The following KITLG variants were observed in gnomAD, a reference collection of about 807,000 sequenced individuals.
KITLG encodes the protein KIT ligand, also known as c-Kit ligand.
KITLG carries 13 observed loss-of-function variants against 34.1 expected under a neutral mutation model. The observed-to-expected ratio is 0.38, with a 90% CI of 0.25 to 0.61. The LOEUF (loss-of-function observed/expected upper bound fraction) is 0.61, where lower values mean the gene tolerates loss of function less well. Among genes scored for constraint, KITLG ranks in the 20% least tolerant of loss-of-function variants. The pLI, the probability that KITLG is intolerant of heterozygous loss-of-function variation, is 0.60. For synonymous variants in KITLG, 110 were observed against 104.0 expected, an observed-to-expected ratio of 1.06 and a Z score of -0.35; for missense variants, 292 against 318.9, an observed-to-expected ratio of 0.92 and a Z score of 0.64.
At chr12:88,577,731 T>C (rs2120997907) in intron 1 of KITLG, among the ~76,000 whole-genome samples, 1 of 152,328 alleles carries the variant, frequency 6.6e-6, no homozygotes, top group East Asian at 1.9e-4. Context: ...TACTGAAGTG[T>C]ACCAACATGC....
rs1415984314 is a variant in KITLG at position 88,561,051 on chromosome 12, G to A, written c.16-15186C>T. Among the ~76,000 whole-genome samples, 4 of 151,786 alleles carry A rather than the reference G, an allele frequency of 2.6e-5. No individual in the cohort carries two copies. The South Asian group carries it at 8.3e-4, about 32-fold the overall frequency. On this transcript the variant is annotated intron_variant, in intron 1 of 9. Transcript: ENST00000644744. ...TGCACAGAGAAGTGGTATAGAGGAG[G>A]GGGTTGGAAAACATCAACCTTAGAA...
intron 2 of KITLG, among the ~76,000 whole-genome samples, chr12:88,538,115 T>C (rs747191819): frequency 2.6e-5 from 4 of 152,040 alleles, no homozygotes; most frequent in Non-Finnish European, 5.9e-5. Flanking sequence ...TGTGAATGAG[T>C]ATGAATTTCT....
At chr12:88,559,170 C>T (rs1039549765) in intron 1 of KITLG, among the ~76,000 whole-genome samples, 6 of 152,152 alleles carry the variant, frequency 3.9e-5, no homozygotes, top group African/African-American at 1.4e-4. Flanking sequence ...CTAGCATATC[C>T]CTCTAAACTA....
At chr12:88,505,424 T>C (rs983223642) in intron 8 of KITLG, among the ~76,000 whole-genome samples, 189 bp from the exon 9 acceptor site, 2 of 152,188 alleles carry the variant, frequency 1.3e-5, no homozygotes, top group Non-Finnish European at 2.9e-5. Flanking sequence ...AAGGTAGTCT[T>C]TCCAAGTAGT....
chr12:88,544,435 G>T (rs1870634610), intron 2 of KITLG, among the ~76,000 whole-genome samples: 1 of 151,210 alleles, frequency 6.6e-6, no homozygotes, highest in Non-Finnish European at 1.5e-5. Context: ...TGTCCTTTTA[G>T]TATTGTTTCT....
intron 7 of KITLG, 73 bp from the exon 8 acceptor site, chr12:88,506,451 C>T (rs1181112224): frequency 1.3e-5 from 13 of 1,028,070 alleles, no homozygotes; most frequent in Non-Finnish European, 2.0e-5. Flanking sequence ...TAAGTGGACT[C>T]CACTTTTATC....
chr12:88,553,658 C>T (rs1164874859), intron 1 of KITLG, among the ~76,000 whole-genome samples: 2 of 152,118 alleles, frequency 1.3e-5, no homozygotes, highest in South Asian at 2.1e-4. Flanking sequence ...TTTATTCCCC[C>T]ACAACACACA....
At chr12:88,567,152 T>C (rs1420621655) in intron 1 of KITLG, among the ~76,000 whole-genome samples, 1 of 152,178 alleles carries the variant, frequency 6.6e-6, no homozygotes, top group Non-Finnish European at 1.5e-5. Context: ...TATATATTTG[T>C]TTTTCTTTTT....
chr12:88,578,639 C>T (rs138146468), intron 1 of KITLG, among the ~76,000 whole-genome samples: 581 of 152,306 alleles, frequency 3.8e-3, no homozygotes, highest in Middle Eastern at 0.01. Flanking sequence ...TACTGCCTCT[C>T]AAAGTGACTT....
chr12:88,574,369 T>G (rs908048834), intron 1 of KITLG, among the ~76,000 whole-genome samples: 8 of 151,266 alleles, frequency 5.3e-5, no homozygotes, highest in African/African-American at 1.9e-4. Flanking sequence ...GGAAAGGAGG[T>G]AAGCAAGCAC....
At chr12:88,554,366 C>T (rs777311937) in intron 1 of KITLG, among the ~76,000 whole-genome samples, 1 of 152,140 alleles carries the variant, frequency 6.6e-6, no homozygotes, top group Non-Finnish European at 1.5e-5. Flanking sequence ...GTCACAAAGT[C>T]AAAAAGAGAG....
At position 88,506,910 on chromosome 12, in the gene KITLG, T is replaced by C. The variant is rs982221383; in HGVS notation, c.714+118A>G. On this transcript the variant is annotated intron_variant, in intron 7 of 9. Transcript: ENST00000644744. Reference sequence around the variant, plus strand: ...AACTTTATAAAATTTAAATTTTGTTTAGATTATAAGCTAAGGTAGAATTCA... The same window carrying C: ...AACTTTATAAAATTTAAATTTTGTTCAGATTATAAGCTAAGGTAGAATTCA... 1.0e-5 allele frequency: 7 copies of C among 685,048 alleles called. No individual in the cohort carries two copies. The African/African-American group carries it at 1.3e-4, about 12-fold the overall frequency. 42.4% of individuals were successfully genotyped at this position (685,048 alleles called of 1,614,324 possible).
chr12:88,530,099 A>G (rs1057483836), intron 3 of KITLG, among the ~76,000 whole-genome samples: 3 of 152,128 alleles, frequency 2.0e-5, no homozygotes, highest in Middle Eastern at 3.2e-3. Flanking sequence ...TCAGTTTAGC[A>G]TTTGTTTTTC....
At chr12:88,534,545 T>A in intron 2 of KITLG, 1 of 382,022 alleles carries the variant, frequency 2.6e-6, no homozygotes, top group Non-Finnish European at 5.0e-6. Flanking sequence ...TTTTGTATTT[T>A]TAGCAGAGAC....
Position 88,511,044 on chromosome 12 carries a change from CTG to C in KITLG, c.605-3909_605-3908del, listed in dbSNP as rs1420421905. 2.0e-5 allele frequency among the ~76,000 whole-genome samples: 3 copies of C among 152,036 alleles called. No individual in the cohort carries two copies. The East Asian group carries it at 5.8e-4, about 29-fold the overall frequency. On this transcript the variant is annotated intron_variant, in intron 6 of 9. Coordinates refer to ENST00000644744, the MANE Select transcript of KITLG (RefSeq NM_000899.5). ...AGTGACATCACCTAGCTAAAAGTTG[CTG>C]ACAATGCAAGACTCAAAATTTTTTA...
intron 1 of KITLG, among the ~76,000 whole-genome samples, chr12:88,578,459 G>C (rs990517792): frequency 6.6e-6 from 1 of 152,144 alleles, no homozygotes; most frequent in Non-Finnish European, 1.5e-5. Flanking sequence ...CGGCAGCACT[G>C]AGTCACTAAT....
intron 2 of KITLG, among the ~76,000 whole-genome samples, chr12:88,536,833 G>A (rs1193870811): frequency 2.0e-5 from 3 of 152,082 alleles, no homozygotes; most frequent in Admixed American, 6.6e-5. Flanking sequence ...AGGGCCTGTT[G>A]GGTATTGGGG....
At chr12:88,518,952 T>C (rs1303921140) in intron 3 of KITLG, 85 bp from the exon 4 acceptor site, 11 of 1,228,388 alleles carry the variant, frequency 9.0e-6, no homozygotes, top group Non-Finnish European at 1.3e-5. Context: ...AGCTATCGTT[T>C]TAGTTACTCA....
intron 1 of KITLG, among the ~76,000 whole-genome samples, chr12:88,548,464 AAAAGTT>A (rs1401767113): frequency 6.6e-6 from 1 of 152,016 alleles, no homozygotes; most frequent in Non-Finnish European, 1.5e-5. Context: ...CAAAAAAAAA[AAAAGTT>A]AGATAACAAA....
Sources: allele counts gnomAD v4.1 joint callset (sites outside exome capture counted in the v4.1 genomes callset), GRCh38; gene constraint gnomAD v4.1.1; transcripts MANE v1.5; gene names NCBI Gene and HGNC (gene_info 2026-07-23, HGNC 2026-07-21).